Variants in GCNT2 observed in about 807,000 individuals in gnomAD.
GCNT2 encodes the protein glucosaminyl (N-acetyl) transferase 2 (I blood group), also known as N-acetyllactosaminide beta-1,6-N-acetylglucosaminyl-transferase.
A neutral mutation model predicts 34.2 loss-of-function variants in GCNT2; 34 were observed. The ratio of observed to expected loss-of-function variants is 1.00; its 90% CI spans 0.76 to 1.32. The LOEUF is 1.32. GCNT2 is among the 40% of genes most tolerant of loss of function. The probability of loss-of-function intolerance (pLI) is 0.00; values close to 1 mark genes in which losing one functional copy is unlikely to be tolerated. For missense variants in GCNT2, 584 were observed against 489.4 expected, an observed-to-expected ratio of 1.19 and a Z score of -1.82; for synonymous variants, 212 against 188.0, an observed-to-expected ratio of 1.13 and a Z score of -1.04.
At chr6:10,608,434 G>A (rs113257312) in intron 3 of GCNT2, among the ~76,000 whole-genome samples, 3 of 152,072 alleles carry the variant, frequency 2.0e-5, no homozygotes, top group African/African-American at 7.2e-5. Flanking sequence ...TCCAAAAATT[G>A]TACCAATTTA....
chr6:10,551,200 T>G (rs930709097), intron 3 of GCNT2, among the ~76,000 whole-genome samples: 2 of 152,162 alleles, frequency 1.3e-5, no homozygotes, highest in African/African-American at 2.4e-5. Flanking sequence ...ATTTGCCTAT[T>G]TAAATACTTT....
At position 10,534,139 on chromosome 6, in the gene GCNT2, C is replaced by CTTTTTT. The variant is rs1491129469; in HGVS notation, c.925+4304_925+4305insTTTTTT. Among the ~76,000 whole-genome samples, 1,111 of 122,968 alleles carry CTTTTTT rather than the reference C, an allele frequency of 9.0e-3. 232 individuals carry two copies. Among genetic ancestry groups the CTTTTTT allele is most frequent in the Middle Eastern group, 0.014 (3 of 210 alleles). 80.7% of individuals were successfully genotyped at this position (122,968 alleles called of 152,430 possible). The stretch of plus-strand genomic sequence containing the variant: ...CTGGTATCTGCCAGATTCCATGCTG[C>CTTTTTT]TCTTTTTTTTTTTTTTTTTTAAGAT... On this transcript the variant is annotated intron_variant, in intron 3 of 4. Transcript: ENST00000495262.
At chr6:10,587,606 T>C (rs1764414326) in intron 3 of GCNT2, among the ~76,000 whole-genome samples, 1 of 152,212 alleles carries the variant, frequency 6.6e-6, no homozygotes, top group Admixed American at 6.5e-5. Context: ...ACATTCCAAT[T>C]TGCAGCTTCT....
chr6:10,618,817 A>T (rs1249469169), intron 3 of GCNT2, among the ~76,000 whole-genome samples: 1 of 151,684 alleles, frequency 6.6e-6, no homozygotes, highest in Non-Finnish European at 1.5e-5. Flanking sequence ...AAATAGAAAT[A>T]TTGCTTAATA....
intron 3 of GCNT2, among the ~76,000 whole-genome samples, chr6:10,547,327 T>C (rs1448026846): frequency 6.6e-6 from 1 of 152,232 alleles, no homozygotes; most frequent in Non-Finnish European, 1.5e-5. Context: ...CCAGTGTGCA[T>C]GGTTATACTC....
chr6:10,585,432 G>C (rs957989585), intron 3 of GCNT2, among the ~76,000 whole-genome samples: 1 of 152,152 alleles, frequency 6.6e-6, no homozygotes, highest in Non-Finnish European at 1.5e-5. Flanking sequence ...AACAGGAAGA[G>C]AAAGAAACCA....
chr6:10,564,302 G>A (rs772741991), intron 3 of GCNT2, among the ~76,000 whole-genome samples: 24 of 152,060 alleles, frequency 1.6e-4, no homozygotes, highest in Non-Finnish European at 3.1e-4. Context: ...TGTGTGTGGC[G>A]GGCCCCTCAA....
At chr6:10,604,266 T>G (rs1199896147) in intron 3 of GCNT2, among the ~76,000 whole-genome samples, 2 of 152,188 alleles carry the variant, frequency 1.3e-5, no homozygotes, top group Admixed American at 6.5e-5. Context: ...TGATCTTTGT[T>G]TTTTGTACTT....
chr6:10,580,401 C>G (rs995694137), intron 3 of GCNT2, among the ~76,000 whole-genome samples: 1 of 152,204 alleles, frequency 6.6e-6, no homozygotes, highest in Non-Finnish European at 1.5e-5. Flanking sequence ...CGCACTGTGC[C>G]TTACCTGCCT....
At chr6:10,582,376 ATTTAATAT>A (rs1284412898) in intron 3 of GCNT2, among the ~76,000 whole-genome samples, 1 of 86,144 alleles carries the variant, frequency 1.2e-5, no homozygotes, top group Non-Finnish European at 2.2e-5. Context: ...ATATACTATA[ATTTAATAT>A]TTATTATATA....
chr6:10,592,157 C>T (rs1764678662), intron 3 of GCNT2, among the ~76,000 whole-genome samples: 1 of 152,220 alleles, frequency 6.6e-6, no homozygotes, highest in South Asian at 2.1e-4. Flanking sequence ...GGACAATCCA[C>T]ACTGACATTT....
At chr6:10,592,092 A>AACAAACGTCACCAGG (rs1267963224) in intron 3 of GCNT2, among the ~76,000 whole-genome samples, 2 of 134,788 alleles carry the variant, frequency 1.5e-5, no homozygotes, top group Non-Finnish European at 3.5e-5. Context: ...ATCATGTCTT[A>AACAAACGTCACCAGG]ACAAACGTCA....
intron 3 of GCNT2, among the ~76,000 whole-genome samples, chr6:10,611,031 A>G (rs1338231056): frequency 6.6e-6 from 1 of 152,148 alleles, no homozygotes; most frequent in East Asian, 1.9e-4. Flanking sequence ...AGGGACTACA[A>G]AACTAGAAAC....
chr6:10,594,687 C>T (rs1311263932), intron 3 of GCNT2, among the ~76,000 whole-genome samples: 1 of 152,200 alleles, frequency 6.6e-6, no homozygotes, highest in Non-Finnish European at 1.5e-5. Flanking sequence ...TGTTCCTACA[C>T]TAATGAGATC....
intron 3 of GCNT2, among the ~76,000 whole-genome samples, chr6:10,565,511 T>C (rs1311996402): frequency 1.3e-5 from 2 of 152,078 alleles, no homozygotes; most frequent in African/African-American, 2.4e-5. Context: ...GCAGATTAGC[T>C]CCCCGCAACC....
intron 3 of GCNT2, among the ~76,000 whole-genome samples, chr6:10,552,767 A>AC (rs1762537843): frequency 6.6e-6 from 1 of 152,180 alleles, no homozygotes; most frequent in Non-Finnish European, 1.5e-5. Context: ...AGCATTCTCT[A>AC]CTTTTTCATG....
At chr6:10,530,531 CT>C in intron 3 of GCNT2, among the ~76,000 whole-genome samples, 1 of 152,166 alleles carries the variant, frequency 6.6e-6, no homozygotes, top group East Asian at 1.9e-4. Context: ...CAAGATACAA[CT>C]TTCAAATTTT....
chr6:10,544,576 C>G (rs1342824412), intron 3 of GCNT2, among the ~76,000 whole-genome samples: 1 of 151,470 alleles, frequency 6.6e-6, no homozygotes, highest in Non-Finnish European at 1.5e-5. Context: ...TGCACTCCAG[C>G]CTGGGTGACA....
intron 3 of GCNT2, among the ~76,000 whole-genome samples, chr6:10,532,555 C>G (rs1182801668): frequency 6.6e-6 from 1 of 152,184 alleles, no homozygotes; most frequent in Non-Finnish European, 1.5e-5. Context: ...CCACACAGCA[C>G]CCAGCCCGTG....
Sources: allele counts gnomAD v4.1 joint callset (sites outside exome capture counted in the v4.1 genomes callset), GRCh38; gene constraint gnomAD v4.1.1; transcripts MANE v1.5; gene names NCBI Gene and HGNC (gene_info 2026-07-23, HGNC 2026-07-21).